Variants in GULP1 observed in about 807,000 individuals in gnomAD.
The protein encoded by GULP1 is GULP PTB domain containing engulfment adaptor 1, also known as PTB domain-containing engulfment adapter protein 1.
In GULP1, 19 loss-of-function variants were observed where a neutral mutation model predicts 40.9. The observed-to-expected ratio is 0.46, with a 90% CI of 0.32 to 0.68. The LOEUF is 0.68. GULP1 is among the 30% of genes least tolerant of loss of function. The pLI, the probability that GULP1 is intolerant of heterozygous loss-of-function variation, is 0.03. For missense variants in GULP1, 312 were observed against 362.2 expected (o/e 0.86, Z 1.12); for synonymous variants, 119 against 117.6 (o/e 1.01, Z -0.08).
chr2:188,297,638 C>T (rs749606692), intron 1 of GULP1: 7 of 393,916 alleles, frequency 1.8e-5, no homozygotes, highest in Non-Finnish European at 2.5e-5. Context: ...ACTGTGGGCT[C>T]AGTCTTCAGT....
intron 1 of GULP1, among the ~76,000 whole-genome samples, chr2:188,323,427 CTT>C (rs893554866): frequency 2.1e-4 from 32 of 152,018 alleles, no homozygotes; most frequent in African/African-American, 7.5e-4. Flanking sequence ...GGACTCCACT[CTT>C]TGCATGCACA....
chr2:188,441,206 A>G (rs2057897052), intron 2 of GULP1, among the ~76,000 whole-genome samples: 1 of 152,190 alleles, frequency 6.6e-6, no homozygotes, highest in South Asian at 2.1e-4. Flanking sequence ...TCCTCTCCGA[A>G]TCCATCTGCT....
chr2:188,398,907 C>T (rs1281601571), intron 2 of GULP1, among the ~76,000 whole-genome samples: 1 of 152,038 alleles, frequency 6.6e-6, no homozygotes, highest in Non-Finnish European at 1.5e-5. Flanking sequence ...ATCTACAATG[C>T]ATGAAAAAAT....
At chr2:188,558,077 G>C (rs1317331485) in intron 7 of GULP1, among the ~76,000 whole-genome samples, 1 of 152,106 alleles carries the variant, frequency 6.6e-6, no homozygotes, top group Non-Finnish European at 1.5e-5. Context: ...TTAGTGCTTG[G>C]CTCCTTTTCA....
chr2:188,322,012 T>C (rs1023210920), intron 1 of GULP1, among the ~76,000 whole-genome samples: 7 of 151,854 alleles, frequency 4.6e-5, no homozygotes, highest in Non-Finnish European at 7.4e-5. Context: ...ACAACAGGAG[T>C]GAAACTCTGT....
intron 2 of GULP1, among the ~76,000 whole-genome samples, chr2:188,418,029 G>A (rs1380942490): frequency 6.6e-6 from 1 of 151,472 alleles, no homozygotes; most frequent in Non-Finnish European, 1.5e-5. Flanking sequence ...ATCTGGCCAC[G>A]TCTCAAACTC....
intron 1 of GULP1, among the ~76,000 whole-genome samples, chr2:188,330,600 G>A (rs756707956): frequency 5.3e-5 from 8 of 152,130 alleles, no homozygotes; most frequent in Admixed American, 2.6e-4. Flanking sequence ...GGCATTCTGT[G>A]ATTTATGTCT....
intron 7 of GULP1, among the ~76,000 whole-genome samples, chr2:188,554,289 T>C (rs2153384789): frequency 6.6e-6 from 1 of 152,152 alleles, no homozygotes; most frequent in South Asian, 2.1e-4. Flanking sequence ...AATTTATTGC[T>C]ATAAACGTTC....
chr2:188,569,412 G>A, intron 8 of GULP1, 57 bp downstream of exon 8: 1 of 905,682 alleles, frequency 1.1e-6, no homozygotes, highest in Non-Finnish European at 1.9e-6. Flanking sequence ...AGGGAAACTT[G>A]CATATCGTCA....
intron 1 of GULP1, among the ~76,000 whole-genome samples, chr2:188,294,769 A>G (rs907227203): frequency 6.6e-6 from 1 of 152,226 alleles, no homozygotes. Flanking sequence ...TTTCCTTTAC[A>G]TAATTACAAG....
intron 1 of GULP1, among the ~76,000 whole-genome samples, chr2:188,357,647 C>T (rs1179987754): frequency 1.3e-5 from 2 of 151,872 alleles, no homozygotes; most frequent in East Asian, 3.9e-4. Flanking sequence ...AGAGGTTCCT[C>T]AAAAAAACTG....
rs1458590464 is a variant in GULP1 at position 188,292,163 on chromosome 2, T to A, written c.-175T>A. Reference sequence around the variant, plus strand: ...AGCCTGACCCGACTGCCTCTCTCAGTGAGGTACGGAGATTTATCTAGGCTC... The same window carrying A: ...AGCCTGACCCGACTGCCTCTCTCAGAGAGGTACGGAGATTTATCTAGGCTC... On this transcript the variant is annotated 5_prime_UTR_variant, in exon 1 of 12. Coordinates refer to ENST00000409830, the MANE Select transcript of GULP1 (RefSeq NM_016315.4). This position sits in a 1 kb window ranked among gnomAD's most constrained non-coding sequence, Gnocchi z 4.0. The A allele has an allele frequency of 6.6e-6, 1 of 152,252 alleles. No homozygotes were observed. Among genetic ancestry groups the A allele is most frequent in the Non-Finnish European group, 1.5e-5 (1 of 68,122 alleles). 9.4% of individuals were successfully genotyped at this position (152,252 alleles called of 1,614,324 possible).
At chr2:188,401,990 A>T (rs969088920) in intron 2 of GULP1, among the ~76,000 whole-genome samples, 1 of 152,132 alleles carries the variant, frequency 6.6e-6, no homozygotes, top group African/African-American at 2.4e-5. Flanking sequence ...TCTACTTTAC[A>T]TATCCACGGG....
At chr2:188,458,055 C>T (rs557414036) in intron 2 of GULP1, among the ~76,000 whole-genome samples, 45 of 152,266 alleles carry the variant, frequency 3.0e-4, no homozygotes, top group African/African-American at 1.0e-3. Flanking sequence ...CCTTATTCAA[C>T]TGAGAAAATA....
chr2:188,528,829 T>C (rs533818362), intron 5 of GULP1, among the ~76,000 whole-genome samples: 1 of 152,304 alleles, frequency 6.6e-6, no homozygotes, highest in African/African-American at 2.4e-5. Context: ...CTCAACTGTC[T>C]GGTATGAATA....
chr2:188,483,541 T>A, intron 4 of GULP1, 49 bp downstream of exon 4: 1 of 726,692 alleles, frequency 1.4e-6, no homozygotes, highest in Non-Finnish European at 2.3e-6. Context: ...ATAGTATCAT[T>A]ACTAATTCAT....
chr2:188,512,807 G>A (rs1003094062), intron 4 of GULP1, among the ~76,000 whole-genome samples: 22 of 152,116 alleles, frequency 1.4e-4, no homozygotes, highest in African/African-American at 5.3e-4. Flanking sequence ...TGGAAGAAAT[G>A]AATATAGACA....
intron 1 of GULP1, among the ~76,000 whole-genome samples, chr2:188,352,650 G>A (rs1460105482): frequency 3.5e-5 from 1 of 28,220 alleles, no homozygotes; most frequent in African/African-American, 2.1e-4. Flanking sequence ...ACACACACAC[G>A]GTTCTGTTTC....
At chr2:188,539,051 C>G (rs917590057) in intron 6 of GULP1, among the ~76,000 whole-genome samples, 2 of 151,716 alleles carry the variant, frequency 1.3e-5, no homozygotes, top group Non-Finnish European at 2.9e-5. Flanking sequence ...TGAAAGCAAT[C>G]TCAATAACAA....
Sources: allele counts gnomAD v4.1 joint callset (sites outside exome capture counted in the v4.1 genomes callset), GRCh38; gene constraint gnomAD v4.1.1; non-coding constraint Gnocchi (gnomAD v3.1); transcripts MANE v1.5; gene names NCBI Gene and HGNC (gene_info 2026-07-23, HGNC 2026-07-21).